Variants in SLC9A2 observed in about 807,000 individuals in gnomAD.
The protein encoded by SLC9A2 is sodium/hydrogen exchanger 2.
Under a neutral mutation model 71.7 loss-of-function variants are expected in SLC9A2, and 42 were observed. The ratio of observed to expected loss-of-function variants is 0.59; its 90% CI spans 0.46 to 0.76. The LOEUF (loss-of-function observed/expected upper bound fraction) is 0.76. Among genes scored for constraint, SLC9A2 ranks in the 30% least tolerant of loss-of-function variants. SLC9A2 has a pLI of 0.00. For synonymous variants in SLC9A2, 396 were observed against 392.5 expected, an observed-to-expected ratio of 1.01 and a Z score of -0.10; for missense variants, 829 against 1,017.4, an observed-to-expected ratio of 0.81 and a Z score of 2.52.
intron 1 of SLC9A2, among the ~76,000 whole-genome samples, chr2:102,639,050 G>T (rs1367891416): frequency 1.3e-5 from 2 of 152,154 alleles, no homozygotes; most frequent in Non-Finnish European, 2.9e-5. Context: ...CAGATGTGCT[G>T]GTGTGCACCT....
At chr2:102,694,612 G>C in intron 6 of SLC9A2, 109 bp downstream of exon 6, 1 of 496,376 alleles carries the variant, frequency 2.0e-6, no homozygotes, top group Non-Finnish European at 3.6e-6. Flanking sequence ...GGGAATGGCA[G>C]GGTGAGAGGG....
At chr2:102,659,765 A>C (rs1182554880) in intron 2 of SLC9A2, among the ~76,000 whole-genome samples, 2 of 152,276 alleles carry the variant, frequency 1.3e-5, no homozygotes, top group Non-Finnish European at 1.5e-5. Context: ...ACATTTTATA[A>C]CTCATTCTAA....
chr2:102,708,004 C>T (rs1208834815), intron 11 of SLC9A2, 115 bp from the exon 12 acceptor site: 1 of 1,136,982 alleles, frequency 8.8e-7, no homozygotes, highest in African/African-American at 1.5e-5. Flanking sequence ...TGCTAGCCTC[C>T]CCTCTCCCCA....
intron 1 of SLC9A2, among the ~76,000 whole-genome samples, chr2:102,656,970 C>T (rs940878939): frequency 1.3e-5 from 2 of 152,024 alleles, no homozygotes; most frequent in South Asian, 2.1e-4. Context: ...TTTGAGAGGC[C>T]GAGGTGGGCG....
rs769421855 is a variant in SLC9A2, at chr2:102,702,514, T to A, written c.1845+12T>A. The A allele has an allele frequency of 6.8e-7, 1 of 1,467,088 alleles. No individual in the cohort carries two copies. 90.9% of individuals were successfully genotyped at this position (1,467,088 alleles called of 1,614,324 possible). On this transcript the variant is annotated intron_variant, in intron 9 of 11. Coordinates refer to ENST00000233969, the MANE Select transcript of SLC9A2 (RefSeq NM_003048.6). ...AAATCCGTCAGCGAGTAAGAATAAT[T>A]TATGTAGCAAAATATTTACTTACCT... is the stretch of plus-strand genomic sequence containing the variant.
chr2:102,698,298 A>G (rs918667924), intron 7 of SLC9A2, among the ~76,000 whole-genome samples: 2 of 152,322 alleles, frequency 1.3e-5, no homozygotes, highest in South Asian at 2.1e-4. Flanking sequence ...AGTATTTAGA[A>G]CAAAGGACTA....
At chr2:102,646,543 G>A (rs772697141) in intron 1 of SLC9A2, among the ~76,000 whole-genome samples, 28 of 152,026 alleles carry the variant, frequency 1.8e-4, no homozygotes, top group Non-Finnish European at 3.5e-4. Context: ...TCAGTGTGCT[G>A]TATTCAGGAG....
At chr2:102,672,293 GT>G (rs897473015) in intron 3 of SLC9A2, among the ~76,000 whole-genome samples, 10 of 152,078 alleles carry the variant, frequency 6.6e-5, no homozygotes, top group African/African-American at 2.4e-4. Context: ...TTCTTTTCGT[GT>G]TTTTCACTGT....
intron 5 of SLC9A2, among the ~76,000 whole-genome samples, 200 bp downstream of exon 5, chr2:102,684,536 C>T (rs868085795): frequency 3.4e-4 from 52 of 152,268 alleles, no homozygotes; most frequent in African/African-American, 1.1e-3. Context: ...TTGGCCTACA[C>T]AGAGAAATTA....
chr2:102,704,465 TA>T, intron 9 of SLC9A2, 78 bp from the exon 10 acceptor site: 1 of 1,424,346 alleles, frequency 7.0e-7, no homozygotes, highest in Non-Finnish European at 9.7e-7. Flanking sequence ...AGAAATGTGG[TA>T]AAGTCTTGGA....
intron 1 of SLC9A2, among the ~76,000 whole-genome samples, chr2:102,654,878 C>T (rs184273137): frequency 4.6e-5 from 7 of 152,168 alleles, no homozygotes; most frequent in Admixed American, 1.3e-4. Context: ...AACACAACAA[C>T]GATTATTTAT....
intron 1 of SLC9A2, among the ~76,000 whole-genome samples, chr2:102,653,826 C>T (rs1676881325): frequency 6.6e-6 from 1 of 152,176 alleles, no homozygotes; most frequent in Admixed American, 6.5e-5. Flanking sequence ...CTGTGCATTT[C>T]TTTAAAACTG....
intron 7 of SLC9A2, 65 bp downstream of exon 7, chr2:102,695,178 T>G (rs1003022957): frequency 1.8e-6 from 2 of 1,095,424 alleles, no homozygotes; most frequent in Non-Finnish European, 2.8e-6. Context: ...CAGGACTTAC[T>G]GATTTGTATT....
At chr2:102,685,136 T>C (rs1677525078) in intron 5 of SLC9A2, among the ~76,000 whole-genome samples, 1 of 151,604 alleles carries the variant, frequency 6.6e-6, no homozygotes, top group African/African-American at 2.4e-5. Context: ...GCGAGAAAAA[T>C]GAGATTTGAG....
Position 102,619,680 on chromosome 2 carries a change from A to G in SLC9A2, c.-169A>G. 2.0e-6 allele frequency: 1 copy of G among 509,674 alleles called. No homozygotes were observed. Among genetic ancestry groups the G allele is most frequent in the Non-Finnish European group, 3.2e-6 (1 of 307,700 alleles). The allele number at this position is 509,674 out of a possible 1,614,324, so 31.6% of individuals were successfully genotyped here. On this transcript the variant is annotated 5_prime_UTR_variant, in exon 1 of 12. Coordinates refer to ENST00000233969, the MANE Select transcript of SLC9A2 (RefSeq NM_003048.6). This position sits in a 1 kb window ranked among gnomAD's most constrained non-coding sequence, Gnocchi z 4.3. ...CCAGGCAGTGCGCCTGCTCGCAGCG[A>G]GGACCTAGCCCTCTGGTTGCAGAGA...
chr2:102,626,482 T>C (rs1558699423), intron 1 of SLC9A2, among the ~76,000 whole-genome samples: 1 of 152,150 alleles, frequency 6.6e-6, no homozygotes, highest in Non-Finnish European at 1.5e-5. Flanking sequence ...GAAGAAAACC[T>C]AGGCAATACC....
At chr2:102,646,346 A>T (rs145804458) in intron 1 of SLC9A2, among the ~76,000 whole-genome samples, 7 of 152,330 alleles carry the variant, frequency 4.6e-5, no homozygotes, top group Admixed American at 4.6e-4. Flanking sequence ...CACTGCAAAA[A>T]CATACCAAAA....
At chr2:102,656,485 A>G (rs1256947763) in intron 1 of SLC9A2, among the ~76,000 whole-genome samples, 1 of 152,134 alleles carries the variant, frequency 6.6e-6, no homozygotes, top group Non-Finnish European at 1.5e-5. Flanking sequence ...TTTGCCTTGT[A>G]TTAGAGTAAG....
intron 1 of SLC9A2, among the ~76,000 whole-genome samples, chr2:102,642,501 C>T (rs1183389511): frequency 6.6e-6 from 1 of 152,104 alleles, no homozygotes; most frequent in African/African-American, 2.4e-5. Context: ...TTGAACCAGC[C>T]TTGCATCCCT....
Sources: allele counts gnomAD v4.1 joint callset (sites outside exome capture counted in the v4.1 genomes callset), GRCh38; gene constraint gnomAD v4.1.1; non-coding constraint Gnocchi (gnomAD v3.1); transcripts MANE v1.5; gene names NCBI Gene and HGNC (gene_info 2026-07-23, HGNC 2026-07-21).